The following KCNN1 variants were observed in gnomAD, a reference collection of about 807,000 sequenced individuals.
KCNN1 encodes the protein potassium calcium-activated channel subfamily N member 1.
Under a neutral mutation model 44.7 loss-of-function variants are expected in KCNN1, and 20 were observed. The ratio of observed to expected loss-of-function variants is 0.45; its 90% CI spans 0.32 to 0.65. KCNN1 has a LOEUF of 0.65. Among genes scored for constraint, KCNN1 ranks in the 30% least tolerant of loss-of-function variants. KCNN1 has a pLI of 0.05. For synonymous variants in KCNN1, 324 were observed against 341.7 expected (o/e 0.95, Z 0.57); for missense variants, 632 against 785.3 (o/e 0.80, Z 2.33).
intron 9 of KCNN1, among the ~76,000 whole-genome samples, chr19:17,997,288 C>T (rs1277170674): frequency 6.6e-6 from 1 of 152,158 alleles, no homozygotes; most frequent in Non-Finnish European, 1.5e-5. Flanking sequence ...CCCTCCTCTT[C>T]TTCCTAGGCA....
intron 2 of KCNN1, among the ~76,000 whole-genome samples, chr19:17,957,476 T>C (rs1318080854): frequency 6.6e-6 from 1 of 151,962 alleles, no homozygotes; most frequent in Non-Finnish European, 1.5e-5. Context: ...CAGAGAGGCC[T>C]CTCTAGGGCA....
intron 4 of KCNN1, 121 bp downstream of exon 4, chr19:17,982,248 C>T: frequency 1.2e-6 from 1 of 849,386 alleles, no homozygotes; most frequent in Non-Finnish European, 1.8e-6. Flanking sequence ...CTTCTGTCTC[C>T]CCGACTGCAA....
At chr19:17,979,459 G>T (rs2032322549) in intron 3 of KCNN1, among the ~76,000 whole-genome samples, 1 of 126,768 alleles carries the variant, frequency 7.9e-6, no homozygotes, top group Non-Finnish European at 1.6e-5. Flanking sequence ...AAAAAAGGAA[G>T]GAGTTAGAGG....
rs781010404 is a variant in KCNN1, at chr19:17,982,697, G to A, written c.917+570G>A. The A allele has an allele frequency of 2.5e-5, 18 of 708,450 alleles. No homozygotes were observed. In the South Asian group the frequency reaches 3.1e-4, roughly 12 times the overall value. The allele number at this position is 708,450 out of a possible 1,614,324, so 43.9% of individuals were successfully genotyped here. A position where few individuals can be genotyped will look rare whatever the true frequency, so the allele number is the denominator to read the frequency against. On this transcript the variant is annotated intron_variant, in intron 4 of 9. Transcript: ENST00000684775. Reference sequence around the variant, plus strand: ...CAAGGGGAGGGAGGCAGGGAGAACGGGCCCGGCGGGGTGGGTCGGGGTAAG... The same window carrying A: ...CAAGGGGAGGGAGGCAGGGAGAACGAGCCCGGCGGGGTGGGTCGGGGTAAG...
At chr19:17,975,466 G>C (rs1245307546) in intron 3 of KCNN1, among the ~76,000 whole-genome samples, 3 of 152,222 alleles carry the variant, frequency 2.0e-5, no homozygotes, top group Non-Finnish European at 4.4e-5. Flanking sequence ...TTGTTTCCAG[G>C]CTGGAGTGCA....
At chr19:17,976,262 C>T (rs1355235735) in intron 3 of KCNN1, among the ~76,000 whole-genome samples, 4 of 151,706 alleles carry the variant, frequency 2.6e-5, no homozygotes, top group African/African-American at 2.4e-5. Context: ...GAGCTGAGAT[C>T]GAACCATTGC....
At position 17,998,044 on chromosome 19, in the gene KCNN1, C is replaced by T; in HGVS notation, c.1378-108C>T. 1 of 1,297,952 alleles carries T rather than the reference C, an allele frequency of 7.7e-7. No individual in the cohort carries two copies. Among genetic ancestry groups the T allele is most frequent in the Non-Finnish European group, 1.0e-6 (1 of 980,034 alleles). 80.4% of individuals were successfully genotyped at this position (1,297,952 alleles called of 1,614,324 possible). A position where few individuals can be genotyped will look rare whatever the true frequency, so the allele number is the denominator to read the frequency against. On this transcript the variant is annotated intron_variant, in intron 9 of 9. Coordinates refer to ENST00000684775, the MANE Select transcript of KCNN1 (RefSeq NM_001386974.1). The surrounding 1 kb of genome is among the most constrained non-coding windows in gnomAD (Gnocchi z 5.4). The stretch of plus-strand genomic sequence containing the variant: ...ACACGGGCCCCATTAGTGGCTGGCA[C>T]CCACCTGGAGCGTGTGGGCTGTCCC...
intron 1 of KCNN1, among the ~76,000 whole-genome samples, chr19:17,968,851 C>T (rs1459797917): frequency 6.6e-6 from 1 of 152,152 alleles, no homozygotes. Flanking sequence ...CCCAAATACA[C>T]CCCGTAGGAT....
At chr19:17,979,648 TC>T (rs1330567247) in intron 3 of KCNN1, among the ~76,000 whole-genome samples, 2 of 151,294 alleles carry the variant, frequency 1.3e-5, no homozygotes, top group African/African-American at 4.9e-5. Context: ...TCCCCTCATC[TC>T]CCCTAGGACT....
intron 9 of KCNN1, among the ~76,000 whole-genome samples, chr19:17,994,812 G>A (rs750884008): frequency 6.6e-6 from 1 of 152,204 alleles, no homozygotes; most frequent in East Asian, 1.9e-4. Context: ...CCAAAGTGTT[G>A]GGATTACAGG....
chr19:17,974,246 G>C lies in KCNN1; in HGVS notation c.358G>C (p.Val120Leu), dbSNP rs749207776. ...CATTTTCGGCATGTTTGGCATCGTC[G>C]TCATGGTGACGGAGACCGAGCTGTC... ...ALIFGMFGIV[V>L]MVTETELSWG... The change falls in exon 2 of 10, where the codon GTC (valine) becomes CTC (leucine). Residue 120 changes from valine to leucine, a missense_variant. Physicochemically the swap from Val to Leu is conservative, Grantham distance 32. Around this residue, in one of 3 missense-constraint regions of KCNN1, gnomAD observed 235 missense variants for 224.0 expected, o/e 1.05. Coordinates refer to ENST00000684775, the MANE Select transcript of KCNN1 (RefSeq NM_001386974.1). This position sits in a 1 kb window ranked among gnomAD's most constrained non-coding sequence, Gnocchi z 7.3. 6.2e-7 allele frequency: 1 copy of C among 1,606,466 alleles called. No homozygotes were observed. Among genetic ancestry groups the C allele is most frequent in the Middle Eastern group, 1.7e-4 (1 of 6,028 alleles).
chr19:17,970,121 G>A (rs1376112071), intron 1 of KCNN1, among the ~76,000 whole-genome samples: 1 of 151,910 alleles, frequency 6.6e-6, no homozygotes, highest in Admixed American at 6.6e-5. Context: ...GCCACATGAG[G>A]CTAGGTCTCA....
At position 17,974,099 on chromosome 19, in the gene KCNN1, G is replaced by A; in HGVS notation, c.211G>A (p.Asp71Asn). 1 of 1,612,296 alleles carries A rather than the reference G, an allele frequency of 6.2e-7. No individual in the cohort carries two copies. Among genetic ancestry groups the A allele is most frequent in the South Asian group, 1.1e-5 (1 of 91,086 alleles). ...GQPQDQDDDE[D>N]DEEDEAGRQR... ...GCCCCAGGACCAGGACGATGACGAG[G>A]ATGATGAGGAAGATGAGGCCGGCAG... Residue 71 changes from aspartate to asparagine, a missense_variant, in exon 2 of 10, where the codon GAT becomes AAT. Transcript: ENST00000684775. The surrounding 1 kb of genome is among the most constrained non-coding windows in gnomAD (Gnocchi z 7.3).
At chr19:17,986,494 C>T (rs182163795) in intron 5 of KCNN1, among the ~76,000 whole-genome samples, 2 of 152,280 alleles carry the variant, frequency 1.3e-5, no homozygotes, top group Admixed American at 6.5e-5. Flanking sequence ...CCCGTCTCCC[C>T]GAAGGATTCT....
At chr19:17,964,002 TC>T (rs1388872424), upstream of KCNN1, among the ~76,000 whole-genome samples, 1 of 152,166 alleles carries the variant, frequency 6.6e-6, no homozygotes, top group East Asian at 1.9e-4. The surrounding 1 kb of genome is among the most constrained non-coding windows in gnomAD (Gnocchi z 4.3). Flanking sequence ...GAGAGGGTTG[TC>T]CCCCTCTTCT....
Position 17,974,392 on chromosome 19 carries a change from G to A in KCNN1, c.402+102G>A, listed in dbSNP as rs919516159. 2.3e-6 allele frequency: 3 copies of A among 1,325,528 alleles called. No homozygotes were observed. Among genetic ancestry groups the A allele is most frequent in the East Asian group, 2.5e-5 (1 of 39,312 alleles). 82.1% of individuals were successfully genotyped at this position (1,325,528 alleles called of 1,614,324 possible). ...GTGGCAGGGCCCCCCGGGAGATAGG[G>A]AGTGTTAGGGGGCTCCCGGAGGTGA... is the stretch of plus-strand genomic sequence containing the variant. On this transcript the variant is annotated intron_variant, in intron 2 of 9. Coordinates refer to ENST00000684775, the MANE Select transcript of KCNN1 (RefSeq NM_001386974.1). The surrounding 1 kb of genome is among the most constrained non-coding windows in gnomAD (Gnocchi z 7.3).
intron 4 of KCNN1, among the ~76,000 whole-genome samples, chr19:17,984,883 G>A (rs1028214061): frequency 6.6e-6 from 1 of 152,074 alleles, no homozygotes; most frequent in Non-Finnish European, 1.5e-5. Flanking sequence ...TCGAGCCCCA[G>A]GTGGTGATCC....
intron 3 of KCNN1, among the ~76,000 whole-genome samples, chr19:17,975,780 G>A (rs1437896925): frequency 6.6e-6 from 1 of 151,674 alleles, no homozygotes; most frequent in East Asian, 1.9e-4. Flanking sequence ...GTGCAGTGAT[G>A]CAGTCATGGC....
chr19:17,993,621 G>GGGGCTCA lies in KCNN1; in HGVS notation c.1377+64_1377+70dup, dbSNP rs547913261. 1.4e-4 allele frequency: 184 copies of GGGGCTCA among 1,357,522 alleles called. No individual in the cohort carries two copies. In the African/African-American group the frequency reaches 2.2e-3, roughly 16 times the overall value. The allele number at this position is 1,357,522 out of a possible 1,614,324, so 84.1% of individuals were successfully genotyped here. A position where few individuals can be genotyped will look rare whatever the true frequency, so the allele number is the denominator to read the frequency against. On this transcript the variant is annotated intron_variant, in intron 9 of 9. Coordinates refer to ENST00000684775, the MANE Select transcript of KCNN1 (RefSeq NM_001386974.1). This position sits in a 1 kb window ranked among gnomAD's most constrained non-coding sequence, Gnocchi z 4.5. ...GGTGGGGCCCCGGAGCAGATGGGAT[G>GGGGCTCA]GGGCTCAGCTCCTGCCGGAGGAGGG...
Sources: allele counts gnomAD v4.1 joint callset (sites outside exome capture counted in the v4.1 genomes callset), GRCh38; gene constraint gnomAD v4.1.1; regional missense constraint gnomAD v4.1.1; non-coding constraint Gnocchi (gnomAD v3.1); transcripts MANE v1.5; gene names NCBI Gene and HGNC (gene_info 2026-07-23, HGNC 2026-07-21).